GNAI1: variants seen among roughly 807,000 people sequenced by gnomAD.
GNAI1 encodes the protein G protein subunit alpha i1.
Under a neutral mutation model 38.9 loss-of-function variants are expected in GNAI1, and 11 were observed. The observed-to-expected ratio is 0.28, with a 90% confidence interval of 0.18 to 0.47. The LOEUF is 0.47. Among genes scored for constraint, GNAI1 ranks in the 20% least tolerant of loss-of-function variants. GNAI1 has a pLI of 0.99. For synonymous variants in GNAI1, 166 were observed against 145.1 expected (o/e 1.14, Z -1.04); for missense variants, 317 against 436.9 (o/e 0.73, Z 2.45).
intron 5 of GNAI1, among the ~76,000 whole-genome samples, chr7:80,205,555 G>A (rs10244782): frequency 0.064 from 9,718 of 151,798 alleles, 1,062 homozygotes; most frequent in African/African-American, 0.22. Flanking sequence ...TAAATACAGC[G>A]AAGGATTAGA....
chr7:80,194,851 C>T (rs966968401), intron 3 of GNAI1, among the ~76,000 whole-genome samples: 1 of 151,940 alleles, frequency 6.6e-6, no homozygotes, highest in Non-Finnish European at 1.5e-5. Context: ...AATAACATCC[C>T]TGTGCTCCCA....
chr7:80,151,025 G>A (rs1787715351), intron 1 of GNAI1, among the ~76,000 whole-genome samples: 1 of 152,072 alleles, frequency 6.6e-6, no homozygotes, highest in African/African-American at 2.4e-5. Flanking sequence ...ACAGAATATT[G>A]TTCTCTTCAT....
rs1789051665 is a variant in GNAI1 at position 80,220,406 on chromosome 7, G to C, written c.*2913G>C. Among the ~76,000 whole-genome samples the C allele has an allele frequency of 6.6e-6, 1 of 152,102 alleles. No homozygotes were observed. The highest frequency in any genetic ancestry group is 1.5e-5 in the Non-Finnish European group (1 of 68,024). ...GTGATACCTCTTTTAGACTCCTCTGGCATCTGTTCTTCAGGGTGCCCTTCT... is the reference window on the plus strand; with the variant it reads ...GTGATACCTCTTTTAGACTCCTCTGCCATCTGTTCTTCAGGGTGCCCTTCT... On this transcript the variant is annotated 3_prime_UTR_variant, in exon 8 of 8. Coordinates refer to ENST00000649796, the MANE Select transcript of GNAI1 (RefSeq NM_002069.6).
intron 1 of GNAI1, among the ~76,000 whole-genome samples, chr7:80,157,209 A>T (rs1787834596): frequency 6.6e-6 from 1 of 152,142 alleles, no homozygotes; most frequent in African/African-American, 2.4e-5. Context: ...GAAATCATGT[A>T]GTATGTAGCC....
intron 1 of GNAI1, among the ~76,000 whole-genome samples, chr7:80,146,189 A>G (rs1476072513): frequency 6.6e-6 from 1 of 152,054 alleles, no homozygotes; most frequent in Non-Finnish European, 1.5e-5. Flanking sequence ...CCCAGAGTGG[A>G]GATTAAGATA....
chr7:80,167,630 A>T (rs749795802), intron 1 of GNAI1, among the ~76,000 whole-genome samples: 1 of 152,214 alleles, frequency 6.6e-6, no homozygotes, highest in Non-Finnish European at 1.5e-5. Context: ...CAGTATGTAA[A>T]TGCTCAGCCA....
At chr7:80,216,600 ACTT>A (rs1189167902) in intron 7 of GNAI1, among the ~76,000 whole-genome samples, 9 of 152,078 alleles carry the variant, frequency 5.9e-5, no homozygotes, top group African/African-American at 1.9e-4. Context: ...TTTCATTCTC[ACTT>A]CTTCTGTGTC....
rs1562844525 is a variant in GNAI1, at chr7:80,211,024, G to A, written c.646G>A (p.Glu216Lys). The A allele has an allele frequency of 6.2e-7, 1 of 1,613,014 alleles. No individual in the cohort carries two copies. Among genetic ancestry groups the A allele is most frequent in the Non-Finnish European group, 8.5e-7 (1 of 1,178,998 alleles). ...SERKKWIHCF[E>K]GVTAIIFCVA... ...GCGGAAGAAGTGGATTCATTGCTTCGAAGGAGTGACGGCGATCATCTTCTG... is the reference window on the plus strand; with the variant it reads ...GCGGAAGAAGTGGATTCATTGCTTCAAAGGAGTGACGGCGATCATCTTCTG... The change falls in exon 6 of 8, where the codon GAA becomes AAA. Residue 216 changes from glutamate (E) to lysine (K), a missense_variant. Glu to Lys is a moderately conservative substitution (Grantham distance 56, BLOSUM62 1). Transcript: ENST00000649796.
intron 1 of GNAI1, among the ~76,000 whole-genome samples, chr7:80,155,126 G>C (rs532593273): frequency 6.6e-6 from 1 of 152,176 alleles, no homozygotes; most frequent in African/African-American, 2.4e-5. Context: ...CAAGATTACT[G>C]ACTCAATATG....
At chr7:80,184,296 C>T (rs757157499) in intron 1 of GNAI1, among the ~76,000 whole-genome samples, 1 of 152,108 alleles carries the variant, frequency 6.6e-6, no homozygotes, top group African/African-American at 2.4e-5. Flanking sequence ...GCTGGTGACT[C>T]GAACGGTTAT....
At chr7:80,143,569 T>C (rs1465882260) in intron 1 of GNAI1, among the ~76,000 whole-genome samples, 2 of 152,128 alleles carry the variant, frequency 1.3e-5, no homozygotes, top group Non-Finnish European at 2.9e-5. Context: ...TTTAGCTCTG[T>C]AGAAAGGCTT....
chr7:80,216,419 C>G (rs1788969431), intron 7 of GNAI1, among the ~76,000 whole-genome samples: 1 of 152,100 alleles, frequency 6.6e-6, no homozygotes, highest in African/African-American at 2.4e-5. Flanking sequence ...AGAAAGAACA[C>G]AAAGGAAATA....
chr7:80,139,652 C>G (rs1464934886), intron 1 of GNAI1, among the ~76,000 whole-genome samples: 3 of 152,102 alleles, frequency 2.0e-5, no homozygotes, highest in Admixed American at 6.5e-5. Context: ...AAACTTTGTG[C>G]TCTGCTGTTT....
At chr7:80,197,103 C>T (rs1458883498) in intron 3 of GNAI1, among the ~76,000 whole-genome samples, 1 of 151,568 alleles carries the variant, frequency 6.6e-6, no homozygotes, top group Non-Finnish European at 1.5e-5. Context: ...TCCTCTCCTC[C>T]CCCACCCCAT....
rs1789037963 is a variant in GNAI1 at position 80,219,617 on chromosome 7, A to G, written c.*2124A>G. On this transcript the variant is annotated 3_prime_UTR_variant, in exon 8 of 8. Transcript: ENST00000649796. ...CATTGCCTGCTTTTTAACTCATTATATTCAAAACTAAATTCATCATCATTC... is the reference window on the plus strand; with the variant it reads ...CATTGCCTGCTTTTTAACTCATTATGTTCAAAACTAAATTCATCATCATTC... Among the ~76,000 whole-genome samples the G allele has an allele frequency of 6.6e-6, 1 of 152,146 alleles. No individual in the cohort carries two copies. The highest frequency in any genetic ancestry group is 1.5e-5 in the Non-Finnish European group (1 of 68,028).
chr7:80,195,847 T>TA (rs995692110), intron 3 of GNAI1, among the ~76,000 whole-genome samples: 8 of 151,934 alleles, frequency 5.3e-5, no homozygotes, highest in South Asian at 2.1e-4. Flanking sequence ...TTGATTATTT[T>TA]AAAAAAAATT....
intron 1 of GNAI1, among the ~76,000 whole-genome samples, chr7:80,152,189 G>A (rs926169446): frequency 1.3e-5 from 2 of 152,038 alleles, no homozygotes; most frequent in Non-Finnish European, 2.9e-5. Context: ...GCTGGGTGTC[G>A]TCTCCTTCTA....
At chr7:80,151,437 T>C (rs1787725712) in intron 1 of GNAI1, among the ~76,000 whole-genome samples, 1 of 151,788 alleles carries the variant, frequency 6.6e-6, no homozygotes, top group South Asian at 2.1e-4. Flanking sequence ...CACAAACCAA[T>C]AGAGTTCTCA....
chr7:80,135,337 G>T, intron 1 of GNAI1, 59 bp downstream of exon 1: 1 of 1,030,620 alleles, frequency 9.7e-7, no homozygotes, highest in Non-Finnish European at 1.3e-6. Context: ...GGCGCTGCGC[G>T]GCCCTCGGCG....
Sources: gnomAD v4.1 joint callset for allele counts (sites outside exome capture counted in the v4.1 genomes callset) on GRCh38, gnomAD v4.1.1 for gene constraint, MANE v1.5 for transcripts, NCBI Gene and HGNC (gene_info 2026-07-23, HGNC 2026-07-21) for gene names.